The following CYLD variants were observed in gnomAD, a reference collection of about 807,000 sequenced individuals.
The protein encoded by CYLD is CYLD lysine 63 deubiquitinase, also known as ubiquitin carboxyl-terminal hydrolase CYLD.
In CYLD, 26 loss-of-function variants were observed where a neutral mutation model predicts 104.5. The observed-to-expected ratio is 0.25, with a 90% CI of 0.18 to 0.35. CYLD has a LOEUF of 0.35. Ranked by LOEUF, CYLD falls within the 10% of genes least tolerant of loss-of-function variation. CYLD has a pLI of 1.00. For synonymous variants in CYLD, 385 were observed against 399.9 expected (o/e 0.96, Z 0.45); for missense variants, 703 against 1,136.1 (o/e 0.62, Z 5.48).
At chr16:50,770,502 G>A (rs1969028363) in intron 5 of CYLD, among the ~76,000 whole-genome samples, 2 of 150,660 alleles carry the variant, frequency 1.3e-5, no homozygotes, top group South Asian at 4.2e-4. Flanking sequence ...CCAGGCTGGA[G>A]TATAGTGGCG....
chr16:50,793,691 A>G (rs756428630), intron 17 of CYLD, 27 bp downstream of exon 17: 3 of 1,365,262 alleles, frequency 2.2e-6, no homozygotes, highest in African/African-American at 2.9e-5. Flanking sequence ...TTAATGGATA[A>G]ACTTTTGTTG....
intron 5 of CYLD, among the ~76,000 whole-genome samples, chr16:50,768,871 C>G (rs1968812046): frequency 6.6e-6 from 1 of 152,186 alleles, no homozygotes; most frequent in Non-Finnish European, 1.5e-5. Flanking sequence ...CTGCCTCTTC[C>G]TGTCCTCTCA....
chr16:50,742,514 G>A, intron 1 of CYLD: 1 of 327,036 alleles, frequency 3.1e-6, no homozygotes, highest in Non-Finnish European at 5.5e-6. Flanking sequence ...AGGACTTGGG[G>A]CGGGAGCCGC....
chr16:50,793,115 TACACACACACACACACAC>T (rs3064638), intron 16 of CYLD, among the ~76,000 whole-genome samples: 1 of 145,038 alleles, frequency 6.9e-6, no homozygotes, highest in Non-Finnish European at 1.5e-5. Context: ...AGGAGCCATA[TACACACACACACACACAC>T]ACACACACAC....
At chr16:50,779,542 A>T in intron 8 of CYLD, 123 bp from the exon 9 acceptor site, 1 of 833,846 alleles carries the variant, frequency 1.2e-6, no homozygotes, top group Non-Finnish European at 2.0e-6. Context: ...TGCCTATGAG[A>T]GTACTATTAA....
Position 50,758,791 on chromosome 16 carries a change from G to A in CYLD, c.913+4367G>A, listed in dbSNP as rs571153888. Among the ~76,000 whole-genome samples the A allele has an allele frequency of 5.9e-5, 9 of 152,264 alleles. No homozygotes were observed. The East Asian group carries it at 9.6e-4, about 16-fold the overall frequency. ...GGGAAAGACAACAGGAAGAGCATGCGTCGGGGAGTGGGAGTTGGAAGTCAG... is the reference window on the plus strand; with the variant it reads ...GGGAAAGACAACAGGAAGAGCATGCATCGGGGAGTGGGAGTTGGAAGTCAG... On this transcript the variant is annotated intron_variant, in intron 5 of 18. Coordinates refer to ENST00000427738, the MANE Select transcript of CYLD (RefSeq NM_001378743.1).
Position 50,750,049 on chromosome 16 carries a change from C to T in CYLD, c.351C>T (p.Asn117=), listed in dbSNP as rs2150896932. 1 of 1,614,096 alleles carries T rather than the reference C, an allele frequency of 6.2e-7. No homozygotes were observed. The highest frequency in any genetic ancestry group is 2.2e-5 in the East Asian group (1 of 44,874). ...EERFSLFKNR[N]RLSKGLQIDV... Reference sequence around the variant, plus strand: ...GGTTCAGCCTGTTTAAAAACAGAAACAGACTAAGTAAAGGCCTCCAAATAG... The same window carrying T: ...GGTTCAGCCTGTTTAAAAACAGAAATAGACTAAGTAAAGGCCTCCAAATAG... The change falls in exon 3 of 19, where the codon AAC becomes AAT. Residue 117 remains asparagine (N), a synonymous_variant. Coordinates refer to ENST00000427738, the MANE Select transcript of CYLD (RefSeq NM_001378743.1).
intron 2 of CYLD, among the ~76,000 whole-genome samples, chr16:50,744,053 C>T (rs1015205793): frequency 2.0e-5 from 3 of 152,142 alleles, no homozygotes; most frequent in Non-Finnish European, 4.4e-5. Context: ...GCCAGGCTCT[C>T]GTGTGGGCAC....
chr16:50,757,294 C>T (rs902539814), intron 5 of CYLD, among the ~76,000 whole-genome samples: 1 of 152,160 alleles, frequency 6.6e-6, no homozygotes, highest in African/African-American at 2.4e-5. Flanking sequence ...TTTAGCTTTA[C>T]AGCAACAGCA....
At chr16:50,748,248 T>C (rs1339924422) in intron 2 of CYLD, among the ~76,000 whole-genome samples, 2 of 152,348 alleles carry the variant, frequency 1.3e-5, no homozygotes, top group South Asian at 2.1e-4. Context: ...CTAGGAAGTA[T>C]TGTTTTCAGC....
At chr16:50,774,166 T>C (rs1357504126) in intron 5 of CYLD, among the ~76,000 whole-genome samples, 1 of 152,248 alleles carries the variant, frequency 6.6e-6, no homozygotes, top group Non-Finnish European at 1.5e-5. Flanking sequence ...ATGCAGTTAA[T>C]TACAGTTAAT....
chr16:50,765,136 G>A (rs1968358582), intron 5 of CYLD, among the ~76,000 whole-genome samples: 1 of 152,132 alleles, frequency 6.6e-6, no homozygotes, highest in Non-Finnish European at 1.5e-5. Context: ...GTGCTTCACA[G>A]ATATGTGTTT....
intron 8 of CYLD, 80 bp from the exon 9 acceptor site, chr16:50,779,585 A>C: frequency 7.0e-7 from 1 of 1,437,286 alleles, no homozygotes; most frequent in Admixed American, 1.7e-5. Flanking sequence ...GTTGGACTAG[A>C]TCTGTATATA....
rs1014430511 is a variant in CYLD, at chr16:50,787,684, A to C, written c.2042-102A>C. The C allele has an allele frequency of 4.3e-5, 28 of 651,736 alleles. No individual in the cohort carries two copies. The Admixed American group carries it at 5.1e-4, about 12-fold the overall frequency. The allele number at this position is 651,736 out of a possible 1,614,324, so 40.4% of individuals were successfully genotyped here. A position where few individuals can be genotyped will look rare whatever the true frequency, so the allele number is the denominator to read the frequency against. On this transcript the variant is annotated intron_variant, in intron 13 of 18. Coordinates refer to ENST00000427738, the MANE Select transcript of CYLD (RefSeq NM_001378743.1). ...TTTTAATTGAAATAATATTGGATGAATGAAACTGAATTCAGTATTAAAATT... is the reference window on the plus strand; with the variant it reads ...TTTTAATTGAAATAATATTGGATGACTGAAACTGAATTCAGTATTAAAATT...
intron 5 of CYLD, among the ~76,000 whole-genome samples, chr16:50,768,338 CTT>C (rs1000053726): frequency 6.6e-6 from 1 of 152,024 alleles, no homozygotes; most frequent in Non-Finnish European, 1.5e-5. Context: ...CATTAGGACT[CTT>C]TTCTTGAGGG....
At chr16:50,780,174 C>A in intron 9 of CYLD, 130 bp downstream of exon 9, 1 of 1,171,962 alleles carries the variant, frequency 8.5e-7, no homozygotes, top group Non-Finnish European at 1.2e-6. Context: ...ATAATTTTCT[C>A]ACCATGTTTT....
chr16:50,769,273 G>A (rs1968855828), intron 5 of CYLD, among the ~76,000 whole-genome samples: 1 of 152,106 alleles, frequency 6.6e-6, no homozygotes, highest in South Asian at 2.1e-4. Context: ...TCCAAGCTGT[G>A]TTTCCAAAGT....
intron 2 of CYLD, among the ~76,000 whole-genome samples, chr16:50,747,268 A>G (rs1966267973): frequency 6.6e-6 from 1 of 152,156 alleles, no homozygotes; most frequent in Non-Finnish European, 1.5e-5. Context: ...ATATTTCACT[A>G]CCTGGCTTCT....
At position 50,792,580 on chromosome 16, in the gene CYLD, ATC is replaced by A; in HGVS notation, c.2242-15_2242-14del. On this transcript the variant is annotated splice_polypyrimidine_tract_variant and intron_variant, in intron 15 of 18. Transcript: ENST00000427738. ...TTTTTAACACTTTGATTCTAAAAATATCTGTCTTTTTTATAGGCACCATCATG... is the reference window on the plus strand; with the variant it reads ...TTTTTAACACTTTGATTCTAAAAATATGTCTTTTTTATAGGCACCATCATG... 1.9e-6 allele frequency: 3 copies of A among 1,550,554 alleles called. No homozygotes were observed. Among genetic ancestry groups the A allele is most frequent in the Non-Finnish European group, 2.7e-6 (3 of 1,125,494 alleles).
Sources: gnomAD v4.1 joint callset for allele counts (sites outside exome capture counted in the v4.1 genomes callset) on GRCh38, gnomAD v4.1.1 for gene constraint, MANE v1.5 for transcripts, NCBI Gene and HGNC (gene_info 2026-07-23, HGNC 2026-07-21) for gene names.